Variants in BICDL1 observed in about 807,000 individuals in gnomAD.
The protein encoded by BICDL1 is BICD family like cargo adaptor 1.
A neutral mutation model predicts 76.8 loss-of-function variants in BICDL1; 20 were observed. The ratio of observed to expected loss-of-function variants is 0.26; its 90% CI spans 0.18 to 0.38. The LOEUF (loss-of-function observed/expected upper bound fraction) is 0.38. Ranked by LOEUF, BICDL1 falls within the 10% of genes least tolerant of loss-of-function variation. The pLI is 1.00. For synonymous variants in BICDL1, 383 were observed against 337.1 expected (o/e 1.14, Z -1.49); for missense variants, 700 against 798.6 (o/e 0.88, Z 1.49).
At chr12:120,014,473 C>T (rs1316131427) in intron 2 of BICDL1, among the ~76,000 whole-genome samples, 3 of 152,130 alleles carry the variant, frequency 2.0e-5, no homozygotes. Flanking sequence ...CCGGGCAGAT[C>T]ACAAAGTCAG....
intron 3 of BICDL1, 68 bp downstream of exon 3, chr12:120,061,894 C>A: frequency 9.0e-7 from 1 of 1,112,948 alleles, no homozygotes; most frequent in South Asian, 1.3e-5. Context: ...AAAAACTGCT[C>A]TATGTAAAAG....
chr12:120,094,199 C>G lies in BICDL1; in HGVS notation c.*1038C>G. ...TCTGCAGCCGCCCCTCCTCCTCCAC[C>G]CAGGCCCCAACTCAGAGGCTCCGCG... On this transcript the variant is annotated 3_prime_UTR_variant, in exon 10 of 10. Transcript: ENST00000548673. 1 of 455,046 alleles carries G rather than the reference C, an allele frequency of 2.2e-6. No homozygotes were observed. Among genetic ancestry groups the G allele is most frequent in the South Asian group, 1.6e-5 (1 of 64,410 alleles). 28.2% of individuals were successfully genotyped at this position (455,046 alleles called of 1,614,324 possible).
At chr12:120,044,156 G>A (rs779335430) in intron 2 of BICDL1, among the ~76,000 whole-genome samples, 11 of 152,144 alleles carry the variant, frequency 7.2e-5, no homozygotes, top group Non-Finnish European at 1.3e-4. Flanking sequence ...TAATAGTCTT[G>A]TTTTTATGGT....
intron 2 of BICDL1, among the ~76,000 whole-genome samples, chr12:119,999,178 T>C (rs912386213): frequency 6.6e-6 from 1 of 152,166 alleles, no homozygotes; most frequent in Non-Finnish European, 1.5e-5. Flanking sequence ...TCAGTATTTC[T>C]ATCTACAAGA....
At chr12:120,004,575 A>G (rs548257861) in intron 2 of BICDL1, among the ~76,000 whole-genome samples, 28 of 152,298 alleles carry the variant, frequency 1.8e-4, no homozygotes, top group Admixed American at 9.8e-4. Context: ...GAATGGTCTA[A>G]ATATTGGTGA....
intron 1 of BICDL1, among the ~76,000 whole-genome samples, chr12:119,995,967 C>G (rs141476552): frequency 2.8e-5 from 4 of 144,100 alleles, no homozygotes; most frequent in Non-Finnish European, 6.0e-5. Context: ...GCCTGGGAGA[C>G]AGAGCAAGAC....
intron 2 of BICDL1, among the ~76,000 whole-genome samples, chr12:120,000,940 A>G (rs1354612292): frequency 1.3e-5 from 2 of 152,200 alleles, no homozygotes; most frequent in Non-Finnish European, 2.9e-5. Flanking sequence ...GTGTCTTTAT[A>G]ATTTGTTCAC....
At chr12:119,991,616 T>A (rs1204927621) in intron 1 of BICDL1, among the ~76,000 whole-genome samples, 1 of 144,604 alleles carries the variant, frequency 6.9e-6, no homozygotes, top group Non-Finnish European at 1.5e-5. Flanking sequence ...AAAGCCTTCC[T>A]TTTTTTTTTA....
At chr12:120,017,369 G>T (rs1952087291) in intron 2 of BICDL1, among the ~76,000 whole-genome samples, 1 of 152,172 alleles carries the variant, frequency 6.6e-6, no homozygotes, top group Non-Finnish European at 1.5e-5. Context: ...TTTGTAAGTT[G>T]GGAGCCACTG....
intron 8 of BICDL1, among the ~76,000 whole-genome samples, chr12:120,082,460 C>G (rs1874066465): frequency 6.6e-6 from 1 of 152,070 alleles, no homozygotes; most frequent in Admixed American, 6.6e-5. Context: ...TGCCATGTTG[C>G]TAGGGCTGGT....
At chr12:120,055,720 GT>G (rs2138871355) in intron 2 of BICDL1, among the ~76,000 whole-genome samples, 1 of 152,274 alleles carries the variant, frequency 6.6e-6, no homozygotes, top group South Asian at 2.1e-4. Flanking sequence ...TTAGAAATAA[GT>G]ATCTACAAAC....
At chr12:120,042,534 G>T (rs1459597281) in intron 2 of BICDL1, among the ~76,000 whole-genome samples, 1 of 152,156 alleles carries the variant, frequency 6.6e-6, no homozygotes, top group African/African-American at 2.4e-5. Flanking sequence ...GCCGGGCGTG[G>T]TGGCTCACGT....
intron 6 of BICDL1, among the ~76,000 whole-genome samples, chr12:120,073,343 CTT>C (rs1480643235): frequency 6.6e-6 from 1 of 152,206 alleles, no homozygotes; most frequent in East Asian, 1.9e-4. Context: ...TCCTTGGAAA[CTT>C]TGCATATAGA....
intron 1 of BICDL1, 137 bp from the exon 2 acceptor site, chr12:119,998,384 G>A (rs1331540087): frequency 4.8e-6 from 3 of 622,738 alleles, no homozygotes; most frequent in East Asian, 6.1e-5. Context: ...CTGTGAATTC[G>A]GCAACTTGTC....
chr12:120,094,135 GCC>G lies in BICDL1; in HGVS notation c.*975_*976del, dbSNP rs777958147. The G allele has an allele frequency of 1.3e-4, 57 of 440,092 alleles. No individual in the cohort carries two copies. Among genetic ancestry groups the G allele is most frequent in the Non-Finnish European group, 2.3e-4 (50 of 216,716 alleles). 27.3% of individuals were successfully genotyped at this position (440,092 alleles called of 1,614,324 possible). On this transcript the variant is annotated 3_prime_UTR_variant, in exon 10 of 10. Transcript: ENST00000548673. ...TGCCGGAAGCCTCCAGATGCTGCCT[GCC>G]TGCCTGCAGAAGCCTGCAGTGGCTG...
At chr12:120,043,007 T>G (rs1334840715) in intron 2 of BICDL1, among the ~76,000 whole-genome samples, 1 of 152,172 alleles carries the variant, frequency 6.6e-6, no homozygotes. Flanking sequence ...TCATTGGCTT[T>G]GGGATCAGAC....
In BICDL1 at chr12:120,093,132, C is replaced by T. The variant is rs369973674; in HGVS notation, c.1837C>T (p.Arg613Ter). ...TGAGCCCAGCATCGCTGAAGGCAAA[C>T]GACTCTTCTCATTCTTCAGGAAAAT... Reference protein sequence around the residue: ...GDEPSIAEGKRLFSFFRKI With the variant: ...GDEPSIAEGK The change falls in exon 10 of 10, where the codon CGA becomes TGA. Residue 613 changes from arginine (R) to a stop codon, truncating the protein, a stop_gained. Coordinates refer to ENST00000548673, the MANE Select transcript of BICDL1 (RefSeq NM_001367886.1). LOFTEE classifies it high-confidence loss of function. The T allele has an allele frequency of 1.9e-5, 31 of 1,612,044 alleles. No individual in the cohort carries two copies. The highest frequency in any genetic ancestry group is 1.6e-4 in the African/African-American group (12 of 74,898).
intron 2 of BICDL1, among the ~76,000 whole-genome samples, chr12:120,047,041 G>A (rs1402060179): frequency 2.0e-5 from 3 of 152,072 alleles, no homozygotes; most frequent in African/African-American, 2.4e-5. Flanking sequence ...GAGGGATTAC[G>A]TTTCTGATAG....
At chr12:120,015,513 A>T (rs1952043121) in intron 2 of BICDL1, among the ~76,000 whole-genome samples, 2 of 152,248 alleles carry the variant, frequency 1.3e-5, no homozygotes, top group South Asian at 4.1e-4. Flanking sequence ...AGAGTGCTTT[A>T]GTCCCTTTCT....
Sources: allele counts gnomAD v4.1 joint callset (sites outside exome capture counted in the v4.1 genomes callset), GRCh38; gene constraint gnomAD v4.1.1; transcripts MANE v1.5; gene names NCBI Gene and HGNC (gene_info 2026-07-23, HGNC 2026-07-21).